Variants in PPARGC1A observed in about 807,000 individuals in gnomAD.
PPARGC1A encodes PPARG coactivator 1 alpha.
Under a neutral mutation model 88.7 loss-of-function variants are expected in PPARGC1A, and 25 were observed. That is an observed-to-expected ratio of 0.28 (90% confidence interval 0.21 to 0.39). The LOEUF is 0.39. Ranked by LOEUF, PPARGC1A falls within the 10% of genes least tolerant of loss-of-function variation. PPARGC1A has a pLI of 1.00. For missense variants in PPARGC1A, 880 were observed against 968.7 expected, an observed-to-expected ratio of 0.91 and a Z score of 1.22; for synonymous variants, 363 against 355.6, an observed-to-expected ratio of 1.02 and a Z score of -0.24.
the PPARGC1A span, among the ~76,000 whole-genome samples, chr4:24,007,030 A>G: frequency 6.6e-6 from 1 of 152,196 alleles, no homozygotes; most frequent in African/African-American, 2.4e-5. Context: ...ATTGGGAGGC[A>G]TCTTATAATC....
At chr4:24,216,225 G>A in the PPARGC1A span, among the ~76,000 whole-genome samples, 2 of 139,878 alleles carry the variant, frequency 1.4e-5, no homozygotes, top group African/African-American at 5.4e-5. Flanking sequence ...TCACCTCACT[G>A]CAACCTTCAC....
the PPARGC1A span, among the ~76,000 whole-genome samples, chr4:24,059,409 A>T: frequency 6.6e-6 from 1 of 152,182 alleles, no homozygotes; most frequent in African/African-American, 2.4e-5. Context: ...CGCAGAATGC[A>T]TTGTCCCCAT....
the PPARGC1A span, among the ~76,000 whole-genome samples, chr4:23,970,452 C>T: frequency 1.3e-5 from 2 of 152,294 alleles, no homozygotes; most frequent in South Asian, 4.1e-4. Flanking sequence ...GCCACATGTC[C>T]CAGCCTGGCC....
chr4:24,137,045 T>C, the PPARGC1A span, among the ~76,000 whole-genome samples: 316 of 139,246 alleles, frequency 2.3e-3, 5 homozygotes, highest in Admixed American at 0.022. Context: ...ACCTGGGAGG[T>C]GGAGGTTGCA....
At chr4:23,838,110 C>T (rs1416939626) in intron 2 of PPARGC1A, among the ~76,000 whole-genome samples, 1 of 152,216 alleles carries the variant, frequency 6.6e-6, no homozygotes, top group African/African-American at 2.4e-5. Context: ...ACAGACACCA[C>T]TTCACTGCAT....
At chr4:23,913,325 C>G in the PPARGC1A span, among the ~76,000 whole-genome samples, 1 of 144,940 alleles carries the variant, frequency 6.9e-6, no homozygotes, top group South Asian at 2.2e-4. Flanking sequence ...AAATCTGTTT[C>G]TCTGGAGAAC....
the PPARGC1A span, among the ~76,000 whole-genome samples, chr4:23,967,298 C>T: frequency 2.6e-5 from 4 of 152,252 alleles, no homozygotes; most frequent in South Asian, 2.1e-4. Flanking sequence ...CGCCACCATG[C>T]GCCGATTATT....
chr4:23,880,050 C>G (rs1486144739), intron 2 of PPARGC1A: 1 of 149,670 alleles, frequency 6.7e-6, no homozygotes, highest in Non-Finnish European at 1.5e-5. Context: ...CATACATACA[C>G]ACACATATAT....
the PPARGC1A span, among the ~76,000 whole-genome samples, chr4:24,437,820 G>GTT: frequency 2.0e-5 from 3 of 151,616 alleles, no homozygotes; most frequent in African/African-American, 7.3e-5. Context: ...TTTGTTTCTA[G>GTT]TTTTTTTGTT....
the PPARGC1A span, among the ~76,000 whole-genome samples, chr4:24,417,809 G>T: frequency 6.6e-6 from 1 of 151,964 alleles, no homozygotes; most frequent in Non-Finnish European, 1.5e-5. Flanking sequence ...ATTTATAGAT[G>T]ATATAAATTT....
the PPARGC1A span, among the ~76,000 whole-genome samples, chr4:24,207,892 A>T: frequency 3.9e-5 from 6 of 152,340 alleles, no homozygotes; most frequent in East Asian, 1.2e-3. Flanking sequence ...GTCAAATCTA[A>T]TGGAACAATT....
At chr4:23,891,120 G>A (rs1177889890), upstream of PPARGC1A, among the ~76,000 whole-genome samples, 5 of 152,076 alleles carry the variant, frequency 3.3e-5, no homozygotes, top group Non-Finnish European at 7.4e-5. Context: ...GACAATGAGG[G>A]CTAATGCAGG....
At chr4:24,069,952 G>C in the PPARGC1A span, among the ~76,000 whole-genome samples, 23 of 152,194 alleles carry the variant, frequency 1.5e-4, no homozygotes, top group African/African-American at 5.3e-4. Flanking sequence ...GAGCAATGCA[G>C]CTGGAGTCCA....
the PPARGC1A span, among the ~76,000 whole-genome samples, chr4:24,131,843 C>T: frequency 3.3e-5 from 5 of 152,290 alleles, no homozygotes; most frequent in South Asian, 2.1e-4. Flanking sequence ...TTCGTCCAAA[C>T]ATACCTCTCA....
chr4:24,267,464 A>T, the PPARGC1A span, among the ~76,000 whole-genome samples: 3 of 152,166 alleles, frequency 2.0e-5, no homozygotes, highest in African/African-American at 7.2e-5. Flanking sequence ...CTAAGGGTTC[A>T]TTTTTATATC....
intron 10 of PPARGC1A, among the ~76,000 whole-genome samples, chr4:23,803,186 A>G (rs1205164597): frequency 6.6e-6 from 1 of 152,152 alleles, no homozygotes; most frequent in Non-Finnish European, 1.5e-5. Flanking sequence ...TAAAAATGCA[A>G]ATGATTGGGC....
At chr4:23,853,366 G>A (rs1294009832) in intron 2 of PPARGC1A, among the ~76,000 whole-genome samples, 1 of 152,012 alleles carries the variant, frequency 6.6e-6, no homozygotes, top group Non-Finnish European at 1.5e-5. Flanking sequence ...CTATTACAAT[G>A]GTCCAAAGGA....
At chr4:24,418,283 G>A in the PPARGC1A span, among the ~76,000 whole-genome samples, 128 of 152,202 alleles carry the variant, frequency 8.4e-4, no homozygotes, top group African/African-American at 3.0e-3. Flanking sequence ...GTTCTTCTAA[G>A]CAACAGAGGG....
At chr4:23,833,955 A>G (rs1025693585) in intron 2 of PPARGC1A, among the ~76,000 whole-genome samples, 2 of 152,158 alleles carry the variant, frequency 1.3e-5, no homozygotes, top group Non-Finnish European at 2.9e-5. Flanking sequence ...ACTTGAGGCC[A>G]AGAGTTCAAG....
Sources: gnomAD v4.1 joint callset for allele counts (sites outside exome capture counted in the v4.1 genomes callset) on GRCh38, gnomAD v4.1.1 for gene constraint, MANE v1.5 for transcripts, NCBI Gene and HGNC (gene_info 2026-07-23, HGNC 2026-07-21) for gene names.